Variants in PKD1L1 observed in about 807,000 individuals in gnomAD.
The protein encoded by PKD1L1 is polycystin-1-like protein 1.
In PKD1L1, 236 loss-of-function variants were observed where a neutral mutation model predicts 323.4. The ratio of observed to expected loss-of-function variants is 0.73; its 90% CI spans 0.66 to 0.81. The LOEUF (loss-of-function observed/expected upper bound fraction) is 0.81. Among genes scored for constraint, PKD1L1 ranks in the 40% least tolerant of loss-of-function variants. The pLI, the probability that PKD1L1 is intolerant of heterozygous loss-of-function variation, is 0.00. For missense variants in PKD1L1, 3,320 were observed against 3,508.0 expected, an observed-to-expected ratio of 0.95 and a Z score of 1.35; for synonymous variants, 1,344 against 1,335.0, an observed-to-expected ratio of 1.01 and a Z score of -0.15.
chr7:47,775,240 AG>A, intron 56 of PKD1L1, 74 bp from the exon 57 acceptor site: 1 of 1,581,800 alleles, frequency 6.3e-7, no homozygotes. Flanking sequence ...ATAGGCAGAA[AG>A]GCAGCAAGTG....
intron 13 of PKD1L1, among the ~76,000 whole-genome samples, chr7:47,900,642 A>G (rs983628177): frequency 2.6e-5 from 4 of 152,060 alleles, no homozygotes; most frequent in African/African-American, 9.7e-5. Flanking sequence ...GCAGAAGAAT[A>G]GCTTGAACCC....
At chr7:47,862,970 C>T (rs943669610) in intron 26 of PKD1L1, among the ~76,000 whole-genome samples, 14 of 152,104 alleles carry the variant, frequency 9.2e-5, no homozygotes, top group Admixed American at 6.6e-5. Context: ...TCTAAGGTGG[C>T]CTGAGAGGAG....
chr7:47,932,976 A>G (rs894743539), intron 4 of PKD1L1, among the ~76,000 whole-genome samples: 2 of 152,200 alleles, frequency 1.3e-5, no homozygotes, highest in African/African-American at 4.8e-5. Flanking sequence ...TCATCATTCT[A>G]GTGCCTCAGC....
intron 30 of PKD1L1, 145 bp from the exon 31 acceptor site, chr7:47,853,372 T>G (rs1331824124): frequency 1.6e-6 from 1 of 634,414 alleles, no homozygotes; most frequent in African/African-American, 1.8e-5. Context: ...AAAGGGTCAA[T>G]GTGCTTAATT....
chr7:47,788,999 T>C (rs1786878528), intron 56 of PKD1L1, among the ~76,000 whole-genome samples: 1 of 152,244 alleles, frequency 6.6e-6, no homozygotes, highest in South Asian at 2.1e-4. Flanking sequence ...TATTTGTTAA[T>C]GTTTTATTTA....
intron 7 of PKD1L1, among the ~76,000 whole-genome samples, chr7:47,917,303 C>A (rs1787449558): frequency 6.6e-6 from 1 of 152,028 alleles, no homozygotes; most frequent in Non-Finnish European, 1.5e-5. Flanking sequence ...AAAGTAAGAA[C>A]AAAGCCTCCA....
intron 14 of PKD1L1, among the ~76,000 whole-genome samples, chr7:47,896,148 G>C (rs1786930038): frequency 6.6e-6 from 1 of 152,060 alleles, no homozygotes; most frequent in Non-Finnish European, 1.5e-5. Context: ...AGCAGCCTGT[G>C]CAACAGGGTG....
rs772538598 is a variant in PKD1L1, at chr7:47,940,331, A to G, written c.161-14T>C. ...TAGCATAGACCTCTAGAGAAAAAAA[A>G]AAAAGCAAACATTCTGAAGACTGCA... On this transcript the variant is annotated splice_polypyrimidine_tract_variant and intron_variant, in intron 2 of 56. Transcript: ENST00000289672. The G allele has an allele frequency of 6.2e-6, 10 of 1,605,600 alleles. No individual in the cohort carries two copies. Among genetic ancestry groups the G allele is most frequent in the Non-Finnish European group, 6.8e-6 (8 of 1,176,182 alleles).
At position 47,809,500 on chromosome 7, in the gene PKD1L1, G is replaced by C; in HGVS notation, c.7659C>G (p.Tyr2553Ter). The change falls in exon 51 of 57, where the codon TAC becomes TAG. Residue 2553 changes from tyrosine (Y) to a stop codon, truncating the protein, a stop_gained. Transcript: ENST00000289672. LOFTEE classifies it high-confidence loss of function. ...CCAGCCAGTTCCTTGGCTTTCGCCA[G>C]TAGCTGAGGACGCCCTTGTCCATCA... ...YRMMDKGVLS[Y>*]WRKPRNWLEL... 1.2e-6 allele frequency: 2 copies of C among 1,607,752 alleles called. No homozygotes were observed. Among genetic ancestry groups the C allele is most frequent in the Non-Finnish European group, 1.7e-6 (2 of 1,177,140 alleles).
chr7:47,912,815 C>CAAAA (rs59792729), intron 8 of PKD1L1, among the ~76,000 whole-genome samples: 1,309 of 62,770 alleles, frequency 0.021, 3 homozygotes, highest in Middle Eastern at 0.031. Flanking sequence ...GACTGTGTCT[C>CAAAA]AAAAAAAAAA....
chr7:47,775,717 C>T (rs6968057), intron 56 of PKD1L1, among the ~76,000 whole-genome samples: 22,255 of 148,956 alleles, frequency 0.15, 1,892 homozygotes, highest in African/African-American at 0.24. Context: ...ATGTGAAAGA[C>T]TATAAAAAGA....
intron 53 of PKD1L1, 145 bp from the exon 54 acceptor site, chr7:47,801,024 C>A (rs1288194299): frequency 1.4e-6 from 1 of 733,538 alleles, no homozygotes; most frequent in Non-Finnish European, 2.3e-6. Context: ...TGGTTTTGAA[C>A]CCAAAAGGCG....
At position 47,857,734 on chromosome 7, in the gene PKD1L1, G is replaced by T. The variant is rs1460123880; in HGVS notation, c.4461C>A (p.Val1487=). 2.5e-6 allele frequency: 4 copies of T among 1,613,950 alleles called. No individual in the cohort carries two copies. The African/African-American group carries it at 5.3e-5, about 22-fold the overall frequency. ...LQSSVQSLGS[V]QVHLPGDLAG... ...CAAGGTCACCAGGTAAATGCACCTGGACAGATCCCAGGCTCTGGACAGAGC... is the reference window on the plus strand; with the variant it reads ...CAAGGTCACCAGGTAAATGCACCTGTACAGATCCCAGGCTCTGGACAGAGC... The change falls in exon 28 of 57, where the codon GTC becomes GTA. Residue 1487 remains valine, a synonymous_variant. Transcript: ENST00000289672.
chr7:47,929,184 A>G lies in PKD1L1; in HGVS notation c.1060+20T>C. On this transcript the variant is annotated intron_variant, in intron 7 of 56. Coordinates refer to ENST00000289672, the MANE Select transcript of PKD1L1 (RefSeq NM_138295.5). ...AGGACCTCCTTCCCAGGCTCCTGAT[A>G]AGGACACCATGCACCTTACCTTTTG... 6.2e-7 allele frequency: 1 copy of G among 1,604,812 alleles called. No homozygotes were observed. Among genetic ancestry groups the G allele is most frequent in the Non-Finnish European group, 8.5e-7 (1 of 1,173,610 alleles).
intron 44 of PKD1L1, 137 bp from the exon 45 acceptor site, chr7:47,827,605 T>A (rs1014807222): frequency 3.0e-6 from 2 of 675,322 alleles, no homozygotes; most frequent in Middle Eastern, 2.5e-4. Flanking sequence ...AAGAGGTACT[T>A]TGTATGGATA....
At chr7:47,949,361 T>C (rs1788166963), upstream of PKD1L1, among the ~76,000 whole-genome samples, 1 of 18,382 alleles carries the variant, frequency 5.4e-5, no homozygotes. Flanking sequence ...AGAGCGAGGC[T>C]CTGTCTCAAA....
In PKD1L1 at chr7:47,811,963, A is replaced by G; in HGVS notation, c.7435T>C (p.Tyr2479His). 3 of 1,601,796 alleles carry G rather than the reference A, an allele frequency of 1.9e-6. No individual in the cohort carries two copies. The highest frequency in any genetic ancestry group is 2.6e-6 in the Non-Finnish European group (3 of 1,174,248). The change falls in exon 50 of 57, where the codon TAT becomes CAT. Residue 2479 changes from tyrosine (Y) to histidine (H), a missense_variant. Physicochemically the swap from Tyr to His is moderately conservative, Grantham distance 83. Coordinates refer to ENST00000289672, the MANE Select transcript of PKD1L1 (RefSeq NM_138295.5). Reference protein sequence around the residue: ...TRAVSVHFTLYNPPTQLFTSV... With the variant: ...TRAVSVHFTLHNPPTQLFTSV... ...GTGAAGAGTTGGGTTGGAGGGTTAT[A>G]GAGAGTGAAGTGCACAGACACAGCC...
intron 24 of PKD1L1, among the ~76,000 whole-genome samples, chr7:47,870,184 A>G (rs1349829978): frequency 6.6e-6 from 1 of 150,488 alleles, no homozygotes; most frequent in Non-Finnish European, 1.5e-5. Flanking sequence ...AACAACAACA[A>G]AAAAAAACAA....
chr7:47,922,812 CG>C (rs1484694408), intron 7 of PKD1L1, among the ~76,000 whole-genome samples: 1 of 152,164 alleles, frequency 6.6e-6, no homozygotes, highest in Non-Finnish European at 1.5e-5. Flanking sequence ...CCCCTCTGCC[CG>C]GCCGCCACCC....
Sources: gnomAD v4.1 joint callset for allele counts (sites outside exome capture counted in the v4.1 genomes callset) on GRCh38, gnomAD v4.1.1 for gene constraint, MANE v1.5 for transcripts, NCBI Gene and HGNC (gene_info 2026-07-23, HGNC 2026-07-21) for gene names.